Variants in LRRIQ1 observed in about 807,000 individuals in gnomAD.
LRRIQ1 encodes the protein leucine rich repeats and IQ motif containing 1, also known as leucine-rich repeat- and IQ domain-containing protein 1.
In LRRIQ1, 210 loss-of-function variants were observed where a neutral mutation model predicts 211.9. The observed-to-expected ratio is 0.99, with a 90% CI of 0.89 to 1.11. The LOEUF is 1.11. Among genes scored for constraint, LRRIQ1 ranks in the 50% most tolerant of loss-of-function variants. The pLI is 0.00. For missense variants in LRRIQ1, 2,136 were observed against 1,939.5 expected (o/e 1.10, Z -1.90); for synonymous variants, 699 against 650.1 (o/e 1.08, Z -1.14).
At chr12:85,263,463 A>C (rs1171398034) in exon 2 of LRRIQ1, 2 of 152,064 alleles carry the variant, frequency 1.3e-5, no homozygotes, top group African/African-American at 4.8e-5. Context: ...ATATTAATAA[A>C]CTTTATTAGA....
At chr12:85,153,634 A>C (rs752785115) in intron 21 of LRRIQ1, 29 bp from the exon 22 acceptor site, 1 of 1,389,896 alleles carries the variant, frequency 7.2e-7, no homozygotes, top group Admixed American at 2.0e-5. Flanking sequence ...GTGTTGATTC[A>C]GTTAAAAGTG....
At chr12:85,196,401 G>C (rs910965526) in intron 24 of LRRIQ1, among the ~76,000 whole-genome samples, 16 of 151,990 alleles carry the variant, frequency 1.1e-4, no homozygotes, top group African/African-American at 3.9e-4. Flanking sequence ...AAAGCTGGAG[G>C]CATCACACTA....
At chr12:85,097,215 G>A (rs1303538843) in intron 11 of LRRIQ1, among the ~76,000 whole-genome samples, 1 of 152,152 alleles carries the variant, frequency 6.6e-6, no homozygotes, top group Non-Finnish European at 1.5e-5. Context: ...AGGTTTAATT[G>A]ACTCACCTTT....
intron 24 of LRRIQ1, among the ~76,000 whole-genome samples, chr12:85,193,153 T>A (rs1892695169): frequency 8.4e-6 from 1 of 119,500 alleles, no homozygotes; most frequent in Non-Finnish European, 1.7e-5. Flanking sequence ...GACCATATAT[T>A]TATATATATG....
chr12:85,117,493 A>G (rs1303666316), intron 15 of LRRIQ1, among the ~76,000 whole-genome samples: 2 of 152,202 alleles, frequency 1.3e-5, no homozygotes, highest in African/African-American at 4.8e-5. Context: ...TTCTTGTAAG[A>G]TATATCTATT....
intron 18 of LRRIQ1, among the ~76,000 whole-genome samples, chr12:85,128,590 C>T (rs1888544638): frequency 1.3e-5 from 2 of 151,920 alleles, no homozygotes; most frequent in African/African-American, 4.8e-5. Flanking sequence ...TAGAGTGAGA[C>T]CTTGTCTCAA....
At chr12:85,190,742 C>A (rs779594780) in intron 24 of LRRIQ1, among the ~76,000 whole-genome samples, 2 of 151,742 alleles carry the variant, frequency 1.3e-5, no homozygotes, top group Non-Finnish European at 2.9e-5. Context: ...GTGGGCCTCT[C>A]GGAATTTTTG....
At chr12:85,204,982 T>G (rs2137036957) in intron 24 of LRRIQ1, among the ~76,000 whole-genome samples, 1 of 152,304 alleles carries the variant, frequency 6.6e-6, no homozygotes, top group East Asian at 1.9e-4. Flanking sequence ...TCTCAAATTG[T>G]ACTCCCATAA....
At chr12:85,240,653 A>G (rs1251460043) in intron 26 of LRRIQ1, among the ~76,000 whole-genome samples, 1 of 152,158 alleles carries the variant, frequency 6.6e-6, no homozygotes, top group East Asian at 1.9e-4. Flanking sequence ...CATACAGTGG[A>G]TATACAACAC....
In LRRIQ1 at chr12:85,059,017, C is replaced by T. The variant is rs549966996; in HGVS notation, c.2391+1833C>T. On this transcript the variant is annotated intron_variant, in intron 8 of 26. Coordinates refer to ENST00000393217, the MANE Select transcript of LRRIQ1 (RefSeq NM_001079910.2). ...TGCTAAAATGTTAAGAAAATATCAT[C>T]TTTTGTTACCAGACAACTCCTGTAA... is the stretch of plus-strand genomic sequence containing the variant. 3.3e-5 allele frequency among the ~76,000 whole-genome samples: 5 copies of T among 152,050 alleles called. No homozygotes were observed. The South Asian group carries it at 1.0e-3, about 31-fold the overall frequency.
intron 24 of LRRIQ1, among the ~76,000 whole-genome samples, chr12:85,220,301 A>T (rs1375483926): frequency 1.3e-5 from 2 of 152,114 alleles, no homozygotes; most frequent in Non-Finnish European, 2.9e-5. Flanking sequence ...TGCCATAAGT[A>T]TTAAAAATAT....
At chr12:85,129,818 T>G (rs1888628687) in intron 18 of LRRIQ1, among the ~76,000 whole-genome samples, 1 of 152,206 alleles carries the variant, frequency 6.6e-6, no homozygotes, top group African/African-American at 2.4e-5. Context: ...TGGTCGAGTT[T>G]ACTCTCTGTC....
At chr12:85,079,422 A>G (rs1048429806) in intron 11 of LRRIQ1, among the ~76,000 whole-genome samples, 1 of 151,250 alleles carries the variant, frequency 6.6e-6, no homozygotes, top group Admixed American at 6.6e-5. Context: ...ACGGGGTTTC[A>G]CCATGTTGGC....
At chr12:85,109,018 C>G (rs1410145667) in intron 15 of LRRIQ1, among the ~76,000 whole-genome samples, 2 of 152,028 alleles carry the variant, frequency 1.3e-5, no homozygotes, top group African/African-American at 4.8e-5. Flanking sequence ...AGGGCAGAAG[C>G]TGTTGAATTT....
intron 24 of LRRIQ1, among the ~76,000 whole-genome samples, chr12:85,217,626 A>ATG (rs1191977794): frequency 7.3e-6 from 1 of 137,812 alleles, no homozygotes; most frequent in Non-Finnish European, 1.5e-5. Flanking sequence ...ATATGTATAT[A>ATG]TGTATATATG....
chr12:85,099,230 A>C (rs1886155076), intron 13 of LRRIQ1, among the ~76,000 whole-genome samples: 1 of 151,878 alleles, frequency 6.6e-6, no homozygotes, highest in Non-Finnish European at 1.5e-5. Flanking sequence ...TTCTAATTTT[A>C]TTTCTTCTCA....
intron 11 of LRRIQ1, among the ~76,000 whole-genome samples, chr12:85,092,539 A>G (rs1885501572): frequency 6.6e-6 from 1 of 152,202 alleles, no homozygotes; most frequent in Admixed American, 6.5e-5. Flanking sequence ...GACTGCCAAC[A>G]AAAGGAAAGT....
intron 26 of LRRIQ1, among the ~76,000 whole-genome samples, chr12:85,237,802 T>C (rs1238651371): frequency 2.0e-5 from 3 of 152,104 alleles, no homozygotes; most frequent in African/African-American, 7.2e-5. Flanking sequence ...AAAAACTGCC[T>C]CTGTTAGAAT....
In LRRIQ1 at chr12:85,065,425, T is replaced by C. The variant is rs764702335; in HGVS notation, c.2544+11T>C. The C allele has an allele frequency of 6.4e-7, 1 of 1,553,262 alleles. No homozygotes were observed. The highest frequency in any genetic ancestry group is 2.3e-5 in the East Asian group (1 of 43,726). ...TACATTGATGCACAGGTATGCTCTCTGCCCTACTGTTATTTATTTTATAAT... is the reference window on the plus strand; with the variant it reads ...TACATTGATGCACAGGTATGCTCTCCGCCCTACTGTTATTTATTTTATAAT... On this transcript the variant is annotated intron_variant, in intron 9 of 26. Coordinates refer to ENST00000393217, the MANE Select transcript of LRRIQ1 (RefSeq NM_001079910.2).
Sources: allele counts gnomAD v4.1 joint callset (sites outside exome capture counted in the v4.1 genomes callset), GRCh38; gene constraint gnomAD v4.1.1; transcripts MANE v1.5; gene names NCBI Gene and HGNC (gene_info 2026-07-23, HGNC 2026-07-21).